Variants in CNOT6 observed in about 807,000 individuals in gnomAD.
The protein encoded by CNOT6 is carbon catabolite repression 4 protein.
A neutral mutation model predicts 61.2 loss-of-function variants in CNOT6; 12 were observed. That is an observed-to-expected ratio of 0.20 (90% CI 0.13 to 0.32). The LOEUF is 0.32. Among genes scored for constraint, CNOT6 ranks in the 10% least tolerant of loss-of-function variants. The pLI, the probability that CNOT6 is intolerant of heterozygous loss-of-function variation, is 1.00. For missense variants in CNOT6, 405 were observed against 663.9 expected (o/e 0.61, Z 4.28); for synonymous variants, 225 against 240.6 (o/e 0.94, Z 0.60).
intron 11 of CNOT6, among the ~76,000 whole-genome samples, chr5:180,573,552 A>AGTGTGTGTGTGT (rs755954581): frequency 5.9e-5 from 7 of 119,266 alleles, no homozygotes; most frequent in African/African-American, 9.6e-5. Context: ...GGAGGGGGGC[A>AGTGTGTGTGTGT]GTGTGTGTGT....
chr5:180,543,419 T>A (rs1759143310), intron 2 of CNOT6, among the ~76,000 whole-genome samples: 1 of 152,196 alleles, frequency 6.6e-6, no homozygotes, highest in Non-Finnish European at 1.5e-5. Flanking sequence ...TTTTTTTGCT[T>A]CATTTGTTGT....
At chr5:180,549,466 C>G (rs562511839) in intron 2 of CNOT6, among the ~76,000 whole-genome samples, 91 of 152,012 alleles carry the variant, frequency 6.0e-4, no homozygotes, top group African/African-American at 1.0e-3. Context: ...TTGTTAACAC[C>G]GTGAAACCCC....
chr5:180,503,661 A>G (rs1245365124), intron 1 of CNOT6, among the ~76,000 whole-genome samples: 1 of 124,878 alleles, frequency 8.0e-6, no homozygotes, highest in Non-Finnish European at 1.6e-5. Context: ...GCTGGAGTGC[A>G]GGGGCGCCAT....
At chr5:180,565,786 CAT>C (rs1491562790) in intron 6 of CNOT6, 32 bp from the exon 7 acceptor site, 2 of 1,528,256 alleles carry the variant, frequency 1.3e-6, no homozygotes, top group East Asian at 2.3e-5. Context: ...TTTTCTGCCA[CAT>C]GTGTGAATAA....
chr5:180,516,059 C>T (rs1041929911), intron 1 of CNOT6, among the ~76,000 whole-genome samples: 7 of 151,640 alleles, frequency 4.6e-5, no homozygotes, highest in African/African-American at 1.5e-4. Flanking sequence ...TACAGGCACA[C>T]ACCACCACGC....
chr5:180,544,135 A>C (rs183383024), intron 2 of CNOT6, among the ~76,000 whole-genome samples: 1 of 152,138 alleles, frequency 6.6e-6, no homozygotes, highest in Admixed American at 6.6e-5. Context: ...TAAGTGACCT[A>C]TTCTTATCCA....
chr5:180,514,314 C>T (rs536807189), intron 1 of CNOT6, among the ~76,000 whole-genome samples: 5 of 152,190 alleles, frequency 3.3e-5, no homozygotes, highest in South Asian at 2.1e-4. Flanking sequence ...CCCATCTACT[C>T]GGGAGGCTGA....
intron 2 of CNOT6, among the ~76,000 whole-genome samples, chr5:180,538,828 G>C (rs1758864388): frequency 1.3e-5 from 2 of 151,472 alleles, no homozygotes; most frequent in Admixed American, 6.6e-5. Flanking sequence ...ACAGTGAGCT[G>C]AGATCGCACC....
chr5:180,534,325 A>T, intron 2 of CNOT6: 1 of 183,644 alleles, frequency 5.4e-6, no homozygotes. Context: ...ATGATTTTGG[A>T]GTGGTTTTCT....
chr5:180,527,472 A>G (rs534718168), intron 1 of CNOT6, among the ~76,000 whole-genome samples: 8 of 152,222 alleles, frequency 5.3e-5, no homozygotes, highest in Admixed American at 3.3e-4. Flanking sequence ...GATAGTTACT[A>G]CATAAGCAAG....
chr5:180,495,461 T>C (rs1756566450), intron 1 of CNOT6: 1 of 152,252 alleles, frequency 6.6e-6, no homozygotes, highest in Admixed American at 6.5e-5. Context: ...TTTGATTCTT[T>C]ACCTCCTTCA....
At chr5:180,525,860 A>C (rs1228118282) in intron 1 of CNOT6, among the ~76,000 whole-genome samples, 1 of 152,216 alleles carries the variant, frequency 6.6e-6, no homozygotes, top group Non-Finnish European at 1.5e-5. Context: ...ATCATAAGCA[A>C]AAAGAGGTCA....
chr5:180,565,759 AAATT>A (rs749732656), intron 6 of CNOT6, 57 bp from the exon 7 acceptor site: 9 of 1,437,678 alleles, frequency 6.3e-6, no homozygotes, highest in Non-Finnish European at 8.5e-6. Flanking sequence ...ACCATTACTG[AAATT>A]AATTATATAT....
intron 2 of CNOT6, among the ~76,000 whole-genome samples, chr5:180,534,019 G>A (rs1367648236): frequency 1.3e-5 from 2 of 152,206 alleles, no homozygotes; most frequent in East Asian, 1.9e-4. Context: ...ACACCCATCA[G>A]GGTTGATTGG....
intron 1 of CNOT6, among the ~76,000 whole-genome samples, chr5:180,513,538 T>C (rs937176477): frequency 4.0e-5 from 6 of 150,334 alleles, no homozygotes; most frequent in African/African-American, 1.5e-4. Context: ...CAGGCCCAGC[T>C]AATTTTTGTA....
intron 2 of CNOT6, chr5:180,534,420 A>G (rs908582155): frequency 7.8e-5 from 13 of 167,382 alleles, no homozygotes; most frequent in Admixed American, 3.0e-4. Flanking sequence ...GGGCCAATTG[A>G]TGAATGGTAT....
chr5:180,512,052 A>T (rs1757423020), intron 1 of CNOT6, among the ~76,000 whole-genome samples: 1 of 152,256 alleles, frequency 6.6e-6, no homozygotes, highest in African/African-American at 2.4e-5. Context: ...TGTGAAAATT[A>T]TGAACTGCAA....
Position 180,574,085 on chromosome 5 carries a change from G to T in CNOT6, c.1559G>T (p.Ser520Ile). The T allele has an allele frequency of 1.2e-6, 2 of 1,614,026 alleles. No homozygotes were observed. The highest frequency in any genetic ancestry group is 1.7e-6 in the Non-Finnish European group (2 of 1,179,948). The change falls in exon 12 of 12, where the codon AGT (serine) becomes ATT (isoleucine). Residue 520 changes from serine (S) to isoleucine (I), a missense_variant. Coordinates refer to ENST00000261951, the MANE Select transcript of CNOT6 (RefSeq NM_001370472.1). The stretch of plus-strand genomic sequence containing the variant: ...CACTGGCTGGTTGAGAATAACATCA[G>T]TGGCTGCCCGCACCCCCTCATCCCC... ...DHHWLVENNI[S>I]GCPHPLIPSD...
intron 1 of CNOT6, among the ~76,000 whole-genome samples, chr5:180,519,978 C>A (rs186648743): frequency 6.6e-6 from 1 of 152,086 alleles, no homozygotes; most frequent in African/African-American, 2.4e-5. Flanking sequence ...GAATTATAGG[C>A]ATGTGCCACC....
Sources: gnomAD v4.1 joint callset for allele counts (sites outside exome capture counted in the v4.1 genomes callset) on GRCh38, gnomAD v4.1.1 for gene constraint, MANE v1.5 for transcripts, NCBI Gene and HGNC (gene_info 2026-07-23, HGNC 2026-07-21) for gene names.